The following ZNF630 variants were observed in gnomAD, a reference collection of about 807,000 sequenced individuals.
ZNF630 encodes the protein zinc finger protein 630, also known as dJ54B20.2 (novel KRAB box containing C2H2 type zinc finger protein).
A neutral mutation model predicts 7.2 loss-of-function variants in ZNF630; 5 were observed. The ratio of observed to expected loss-of-function variants is 0.70; its 90% CI spans 0.36 to 1.46. The LOEUF is 1.46. Ranked by LOEUF, ZNF630 falls within the 40% of genes most tolerant of loss-of-function variation. ZNF630 has a pLI of 0.03. For missense variants in ZNF630, 461 were observed against 477.0 expected (o/e 0.97, Z 0.31); for synonymous variants, 158 against 162.8 (o/e 0.97, Z 0.23).
chrX:48,069,310 G>A (rs1343628115), intron 1 of ZNF630, among the ~76,000 whole-genome samples: 2 of 109,797 alleles, frequency 1.8e-5, no homozygotes, highest in Non-Finnish European at 3.8e-5. Flanking sequence ...TCTCACTGGG[G>A]GGTGATACTG....
intron 2 of ZNF630, chrX:48,066,430 C>T: frequency 8.6e-6 from 1 of 115,897 alleles, no homozygotes. Flanking sequence ...CCATGGAAAA[C>T]AAGGAAACTA....
At chrX:48,068,473 A>G (rs1556910517) in intron 1 of ZNF630, among the ~76,000 whole-genome samples, 1 of 112,007 alleles carries the variant, frequency 8.9e-6, no homozygotes, top group Non-Finnish European at 1.9e-5. Flanking sequence ...GCCCTAGACA[A>G]TACATAAACT....
At chrX:48,061,074 A>AACTATTCTTGCTAATG in intron 2 of ZNF630, 129 bp from the exon 3 acceptor site, 1 of 509,506 alleles carries the variant, frequency 2.0e-6, no homozygotes, top group Non-Finnish European at 3.0e-6. Context: ...CCCTGCCATT[A>AACTATTCTTGCTAATG]GCAAGAATAG....
At chrX:48,062,994 G>GAGGGAGGA (rs1444630098) in intron 2 of ZNF630, among the ~76,000 whole-genome samples, 18 of 101,223 alleles carry the variant, frequency 1.8e-4, no homozygotes, top group African/African-American at 4.0e-4. Context: ...GGGAGGGAGG[G>GAGGGAGGA]AGGAAGGAAG....
intron 2 of ZNF630, among the ~76,000 whole-genome samples, chrX:48,065,765 C>T (rs989530812): frequency 7.2e-5 from 8 of 110,828 alleles, no homozygotes; most frequent in Admixed American, 6.7e-4. Context: ...TACTTTCCAA[C>T]ATGAGGCCAA....
At chrX:48,065,455 AAGAGAG>A (rs57013482) in intron 2 of ZNF630, among the ~76,000 whole-genome samples, 6 of 62,150 alleles carry the variant, frequency 9.7e-5, no homozygotes, top group African/African-American at 2.4e-4. Context: ...GAAAGAAAGA[AAGAGAG>A]AGAGAGAGAG....
At chrX:48,063,192 C>A (rs2059115074) in intron 2 of ZNF630, among the ~76,000 whole-genome samples, 2 of 106,562 alleles carry the variant, frequency 1.9e-5, no homozygotes, top group Non-Finnish European at 3.9e-5. Context: ...GGCAAAAATA[C>A]CTTCCCTGAA....
intron 1 of ZNF630, among the ~76,000 whole-genome samples, chrX:48,069,841 G>GTTTTTTTTTTTTTTTTTT (rs1210374790): frequency 2.4e-4 from 10 of 41,092 alleles, no homozygotes; most frequent in South Asian, 2.0e-3. Context: ...GACATTGTCT[G>GTTTTTTTTTTTTTTTTTT]TTTTTTTTTT....
intron 1 of ZNF630, among the ~76,000 whole-genome samples, chrX:48,067,753 T>C (rs782383020): frequency 1.8e-5 from 2 of 110,128 alleles, no homozygotes; most frequent in Admixed American, 9.6e-5. Context: ...CTGGGCAACA[T>C]AGGGAGACCC....
intron 2 of ZNF630, among the ~76,000 whole-genome samples, chrX:48,062,563 G>A (rs921215532): frequency 8.9e-6 from 1 of 112,038 alleles, no homozygotes; most frequent in Non-Finnish European, 1.9e-5. Context: ...GCGAAACCCC[G>A]TCTCTACTAA....
At position 48,065,476 on chromosome X, in the gene ZNF630, A is replaced by AGG. The variant is rs1406395767; in HGVS notation, c.15+1395_15+1396insCC. On this transcript the variant is annotated intron_variant, in intron 2 of 4. Coordinates refer to ENST00000276054, the MANE Select transcript of ZNF630 (RefSeq NM_001282201.2). ...AAGAAAGAGAGAGAGAGAGAGAGAG[A>AGG]GAGGGAGGGAGGGAGGGAGGGAGGA... Among the ~76,000 whole-genome samples, 73 of 77,405 alleles carry AGG rather than the reference A, an allele frequency of 9.4e-4. 1 individual carries two copies. The highest frequency in any genetic ancestry group is 5.4e-3 in the South Asian group (6 of 1,113). 67.2% of individuals were successfully genotyped at this position (77,405 alleles called of 115,157 possible). A position where few individuals can be genotyped will look rare whatever the true frequency, so the allele number is the denominator to read the frequency against.
intron 2 of ZNF630, among the ~76,000 whole-genome samples, chrX:48,064,661 G>A (rs922128644): frequency 6.3e-5 from 7 of 111,399 alleles, no homozygotes; most frequent in Non-Finnish European, 1.1e-4. Context: ...ATGCGGTTTC[G>A]CCATGCTGCC....
rs1458890491 is a variant in ZNF630, at chrX:48,058,128, A to T, written c.*340T>A. ...TGGAAAAAATAGAGAAAGATGACAA[A>T]GAGATACCCTTCAAATAATGCACCA... is the stretch of plus-strand genomic sequence containing the variant. On this transcript the variant is annotated 3_prime_UTR_variant, in exon 5 of 5. Transcript: ENST00000276054. The T allele has an allele frequency of 2.9e-5, 5 of 175,108 alleles. No individual in the cohort carries two copies. Among genetic ancestry groups the T allele is most frequent in the Non-Finnish European group, 1.1e-5 (1 of 94,908 alleles). 14.4% of individuals were successfully genotyped at this position (175,108 alleles called of 1,213,427 possible). A position where few individuals can be genotyped will look rare whatever the true frequency, so the allele number is the denominator to read the frequency against.
intron 1 of ZNF630, among the ~76,000 whole-genome samples, chrX:48,069,377 A>AC (rs2059148700): frequency 9.0e-6 from 1 of 111,291 alleles, no homozygotes; most frequent in Non-Finnish European, 1.9e-5. Context: ...ACAAAACAAA[A>AC]ACAAAAAAAA....
At position 48,058,208 on chromosome X, in the gene ZNF630, C is replaced by A; in HGVS notation, c.*260G>T. 1 of 280,098 alleles carries A rather than the reference C, an allele frequency of 3.6e-6. No individual in the cohort carries two copies. The highest frequency in any genetic ancestry group is 5.8e-5 in the Admixed American group (1 of 17,274). 23.1% of individuals were successfully genotyped at this position (280,098 alleles called of 1,213,427 possible). A position where few individuals can be genotyped will look rare whatever the true frequency, so the allele number is the denominator to read the frequency against. On this transcript the variant is annotated 3_prime_UTR_variant, in exon 5 of 5. Coordinates refer to ENST00000276054, the MANE Select transcript of ZNF630 (RefSeq NM_001282201.2). ...TAAAGCATTTAATGACCAAACAACA[C>A]CAAAGTAGTGCTAATTCTTCCAGAT...
At chrX:48,063,283 A>C (rs1198740246) in intron 2 of ZNF630, among the ~76,000 whole-genome samples, 1 of 108,233 alleles carries the variant, frequency 9.2e-6, no homozygotes. Context: ...AAAAAAAAAA[A>C]GTTTGCAATG....
chrX:48,065,461 G>A (rs1265019845), intron 2 of ZNF630, among the ~76,000 whole-genome samples: 1,326 of 88,297 alleles, frequency 0.015, 45 homozygotes, highest in African/African-American at 0.049. Flanking sequence ...AAGAAAGAGA[G>A]AGAGAGAGAG....
intron 2 of ZNF630, among the ~76,000 whole-genome samples, chrX:48,064,719 C>A (rs2059122154): frequency 1.8e-5 from 2 of 111,869 alleles, no homozygotes; most frequent in Admixed American, 1.9e-4. Flanking sequence ...CCACCTTGGC[C>A]TCCCAAAGTG....
In ZNF630 at chrX:48,059,868, G is replaced by A; in HGVS notation, c.574C>T (p.Leu192=). The A allele has an allele frequency of 4.1e-6, 5 of 1,207,812 alleles. 1 individual carries two copies. The highest frequency in any genetic ancestry group is 4.5e-6 in the Non-Finnish European group (4 of 893,065). The change falls in exon 5 of 5, where the codon CTA becomes TTA. Residue 192 remains leucine (L), a synonymous_variant. Transcript: ENST00000276054. ...CTTGCATAGCTCCTGTTATAATTTAGTAAGTCTGAATTAGACTTCAAGCTA... is the reference window on the plus strand; with the variant it reads ...CTTGCATAGCTCCTGTTATAATTTAATAAGTCTGAATTAGACTTCAAGCTA... ...ENSLKSNSDL[L]NYNRSYARKN...
Sources: allele counts gnomAD v4.1 joint callset (sites outside exome capture counted in the v4.1 genomes callset), GRCh38; gene constraint gnomAD v4.1.1; transcripts MANE v1.5; gene names NCBI Gene and HGNC (gene_info 2026-07-23, HGNC 2026-07-21).